The following CDH12 variants were observed in gnomAD, a reference collection of about 807,000 sequenced individuals.
CDH12 encodes cadherin 12.
CDH12 carries 41 observed loss-of-function variants against 74.1 expected under a neutral mutation model. The ratio of observed to expected loss-of-function variants is 0.55; its 90% CI spans 0.43 to 0.72. The LOEUF is 0.72. Among genes scored for constraint, CDH12 ranks in the 30% least tolerant of loss-of-function variants. The pLI is 0.00. For synonymous variants in CDH12, 399 were observed against 355.0 expected (o/e 1.12, Z -1.39); for missense variants, 945 against 977.2 (o/e 0.97, Z 0.44).
At chr5:22,765,750 A>T (rs1250040861) in intron 1 of CDH12, among the ~76,000 whole-genome samples, 1 of 151,882 alleles carries the variant, frequency 6.6e-6, no homozygotes, top group African/African-American at 2.4e-5. Flanking sequence ...TAGAAAAGTA[A>T]ATTTACAAAA....
intron 1 of CDH12, among the ~76,000 whole-genome samples, chr5:22,664,777 A>G (rs146451838): frequency 6.6e-6 from 1 of 152,294 alleles, no homozygotes; most frequent in African/African-American, 2.4e-5. Flanking sequence ...GTCCAAGGTT[A>G]TAGACGTAGA....
At chr5:22,153,081 A>C (rs1381995020) in intron 4 of CDH12, among the ~76,000 whole-genome samples, 1 of 152,044 alleles carries the variant, frequency 6.6e-6, no homozygotes, top group Non-Finnish European at 1.5e-5. Flanking sequence ...TGGAGCACAG[A>C]TATTTTTACA....
rs115346985 is a variant in CDH12 at position 22,337,706 on chromosome 5, T to G, written c.-333+67551A>C. 4.4e-3 allele frequency among the ~76,000 whole-genome samples: 669 copies of G among 152,312 alleles called. 5 individuals carry two copies. The highest frequency in any genetic ancestry group is 5.8e-3 in the Admixed American group (89 of 15,300). On this transcript the variant is annotated intron_variant, in intron 3 of 14. Transcript: ENST00000382254. ...CCTTTCTCTTTTGCAAATTGCCCAG[T>G]CTTCATATGTCTTTAGCAGCAATGT...
intron 1 of CDH12, among the ~76,000 whole-genome samples, chr5:22,634,509 AATG>A (rs1452153850): frequency 6.6e-6 from 1 of 152,174 alleles, no homozygotes; most frequent in Admixed American, 6.5e-5. Context: ...AACATATTAT[AATG>A]ATAACATTTT....
chr5:22,686,060 TA>T (rs1741783076), intron 1 of CDH12, among the ~76,000 whole-genome samples: 1 of 152,214 alleles, frequency 6.6e-6, no homozygotes, highest in South Asian at 2.1e-4. Context: ...CCACATCTGT[TA>T]CTGTCCTTCT....
chr5:22,656,086 T>C (rs1413268378), intron 1 of CDH12, among the ~76,000 whole-genome samples: 1 of 152,206 alleles, frequency 6.6e-6, no homozygotes, highest in Non-Finnish European at 1.5e-5. Flanking sequence ...GTAAGCCCTC[T>C]TCTGAGGGAT....
intron 1 of CDH12, among the ~76,000 whole-genome samples, chr5:22,837,187 G>A (rs973643064): frequency 5.9e-5 from 9 of 152,140 alleles, no homozygotes; most frequent in African/African-American, 2.2e-4. Flanking sequence ...GGGAGGCTGA[G>A]GGAGGAGGAT....
chr5:21,938,481 T>A (rs1159614650), intron 6 of CDH12, among the ~76,000 whole-genome samples: 2 of 146,432 alleles, frequency 1.4e-5, no homozygotes, highest in Non-Finnish European at 1.5e-5. Flanking sequence ...GAAAAATATA[T>A]AAATGGTACA....
rs183269673 is a variant in CDH12, at chr5:22,419,481, A to G, written c.-427-14130T>C. ...CTTCCATGTCCCTGCCAAGGTCATG[A>G]TCTTGTTCCTATGGCTGCATAGTAT... On this transcript the variant is annotated intron_variant, in intron 2 of 14. Transcript: ENST00000382254. Among the ~76,000 whole-genome samples, 15 of 152,134 alleles carry G rather than the reference A, an allele frequency of 9.9e-5. No individual in the cohort carries two copies. In the East Asian group the frequency reaches 2.3e-3, roughly 24 times the overall value.
intron 1 of CDH12, among the ~76,000 whole-genome samples, chr5:22,529,182 T>TAC (rs1436893052): frequency 1.0e-5 from 1 of 96,776 alleles, no homozygotes; most frequent in African/African-American, 4.3e-5. Context: ...TATATATATA[T>TAC]ATATATAGAG....
At chr5:22,359,524 G>A (rs1292233498) in intron 3 of CDH12, among the ~76,000 whole-genome samples, 1 of 152,116 alleles carries the variant, frequency 6.6e-6, no homozygotes, top group African/African-American at 2.4e-5. Context: ...AGATCAACGA[G>A]ACAGAAAGTT....
intron 5 of CDH12, among the ~76,000 whole-genome samples, chr5:21,978,746 G>C (rs1295358181): frequency 6.6e-6 from 1 of 152,038 alleles, no homozygotes; most frequent in Non-Finnish European, 1.5e-5. Context: ...GTGAATGTGC[G>C]TGTGTGTATG....
chr5:22,113,882 T>G (rs77075290), intron 4 of CDH12, among the ~76,000 whole-genome samples: 2,041 of 152,336 alleles, frequency 0.013, 54 homozygotes, highest in African/African-American at 0.047. Context: ...TTCACTATTC[T>G]CTGCTTTCCT....
At chr5:21,965,595 ATT>A (rs56966304) in intron 6 of CDH12, among the ~76,000 whole-genome samples, 1 of 145,710 alleles carries the variant, frequency 6.9e-6, no homozygotes, top group Non-Finnish European at 1.5e-5. Context: ...GTAGACTCTG[ATT>A]TTTTTTTTTT....
intron 3 of CDH12, among the ~76,000 whole-genome samples, chr5:22,345,262 C>G (rs188634162): frequency 0.013 from 1,950 of 152,218 alleles, 24 homozygotes; most frequent in Middle Eastern, 0.02. Flanking sequence ...CAATTATAGC[C>G]TGGTGCCTAC....
At chr5:22,637,334 T>C (rs1451491089) in intron 1 of CDH12, among the ~76,000 whole-genome samples, 3 of 152,020 alleles carry the variant, frequency 2.0e-5, no homozygotes, top group African/African-American at 7.2e-5. Context: ...AAGAAAATTC[T>C]CTGTGCTAAC....
chr5:22,752,542 CTTCTTTTTTTTTTTTTTTTTTTTTTTTTT>C (rs1265083431), intron 1 of CDH12, among the ~76,000 whole-genome samples: 18 of 82,132 alleles, frequency 2.2e-4, no homozygotes, highest in African/African-American at 6.0e-4. Context: ...AGATAGGATA[CTTCTTTTTTTTTTTTTTTTTTTTTTTTTT>C]TTCTTTTTTT....
chr5:21,845,492 C>T (rs1422860255), intron 7 of CDH12, among the ~76,000 whole-genome samples: 3 of 151,946 alleles, frequency 2.0e-5, no homozygotes, highest in South Asian at 2.1e-4. Context: ...TCCTCATTCT[C>T]TCAGTTCCCC....
At chr5:22,466,587 C>T (rs959631421) in intron 2 of CDH12, among the ~76,000 whole-genome samples, 1 of 151,956 alleles carries the variant, frequency 6.6e-6, no homozygotes, top group Non-Finnish European at 1.5e-5. Flanking sequence ...AGGAGAAAAC[C>T]ACAGGCTCTG....
Sources: gnomAD v4.1 joint callset for allele counts (sites outside exome capture counted in the v4.1 genomes callset) on GRCh38, gnomAD v4.1.1 for gene constraint, MANE v1.5 for transcripts, NCBI Gene and HGNC (gene_info 2026-07-23, HGNC 2026-07-21) for gene names.